Variants in NBEA observed in about 807,000 individuals in gnomAD.
The protein encoded by NBEA is lysosomal-trafficking regulator 2.
A neutral mutation model predicts 343.4 loss-of-function variants in NBEA; 44 were observed. That is an observed-to-expected ratio of 0.13 (90% CI 0.10 to 0.16). The LOEUF (loss-of-function observed/expected upper bound fraction) is 0.16, where lower values mean the gene tolerates loss of function less well. NBEA is among the 10% of genes least tolerant of loss of function. NBEA has a pLI of 1.00. For synonymous variants in NBEA, 1,175 were observed against 1,238.7 expected, an observed-to-expected ratio of 0.95 and a Z score of 1.08; for missense variants, 2,555 against 3,631.3, an observed-to-expected ratio of 0.70 and a Z score of 7.62.
rs147455347 is a variant in NBEA, at chr13:35,367,964, G to A, written c.6179+15641G>A. On this transcript the variant is annotated intron_variant, in intron 38 of 58. Coordinates refer to ENST00000379939, the MANE Select transcript of NBEA (RefSeq NM_001385012.1). ...TGATTTAGGATCAGTAATTAAGTCCGCAATAACTGATGGATTGTTAAAATT... is the reference window on the plus strand; with the variant it reads ...TGATTTAGGATCAGTAATTAAGTCCACAATAACTGATGGATTGTTAAAATT... Among the ~76,000 whole-genome samples, 37 of 151,566 alleles carry A rather than the reference G, an allele frequency of 2.4e-4. No individual in the cohort carries two copies. The East Asian group carries it at 5.8e-3, about 24-fold the overall frequency.
chr13:35,207,006 C>T (rs2073439155), intron 31 of NBEA, among the ~76,000 whole-genome samples: 1 of 151,978 alleles, frequency 6.6e-6, no homozygotes, highest in African/African-American at 2.4e-5. Context: ...AAGAATTTGA[C>T]ACCAACATGC....
intron 31 of NBEA, among the ~76,000 whole-genome samples, chr13:35,199,495 C>T (rs1356482926): frequency 6.6e-6 from 1 of 152,146 alleles, no homozygotes; most frequent in Non-Finnish European, 1.5e-5. Context: ...AACTAAATCA[C>T]ACTCCTAATA....
At chr13:35,311,263 A>T (rs2037345958) in intron 36 of NBEA, among the ~76,000 whole-genome samples, 1 of 151,942 alleles carries the variant, frequency 6.6e-6, no homozygotes, top group African/African-American at 2.4e-5. Context: ...TTTAAGTTTT[A>T]GAAATAACTC....
chr13:35,108,951 T>C lies in NBEA; in HGVS notation c.1681-339T>C, dbSNP rs1362446941. ...TAAACACTATCACTTTTTATTTCTATGTCTAAGATCTCTTCTTGTATGTCA... is the reference window on the plus strand; with the variant it reads ...TAAACACTATCACTTTTTATTTCTACGTCTAAGATCTCTTCTTGTATGTCA... On this transcript the variant is annotated intron_variant, in intron 11 of 58. Coordinates refer to ENST00000379939, the MANE Select transcript of NBEA (RefSeq NM_001385012.1). Among the ~76,000 whole-genome samples the C allele has an allele frequency of 2.6e-5, 4 of 152,272 alleles. No individual in the cohort carries two copies. In the East Asian group the frequency reaches 7.7e-4, roughly 29 times the overall value.
intron 38 of NBEA, among the ~76,000 whole-genome samples, chr13:35,370,626 A>C (rs1269026072): frequency 6.6e-6 from 1 of 151,572 alleles, no homozygotes; most frequent in South Asian, 2.1e-4. Context: ...TCTCTCTTTT[A>C]TTGTTTATCA....
rs575785983 is a variant in NBEA, at chr13:35,141,423, C to T, written c.2337-846C>T. On this transcript the variant is annotated intron_variant, in intron 17 of 58. Transcript: ENST00000379939. ...CTGGGACTACAGGCATGTGCCACCA[C>T]GCCCAGCTAATTTTTGTATTTTTAG... Among the ~76,000 whole-genome samples, 61 of 152,216 alleles carry T rather than the reference C, an allele frequency of 4.0e-4. 1 individual carries two copies. Among genetic ancestry groups the T allele is most frequent in the African/African-American group, 1.4e-3 (58 of 41,544 alleles).
chr13:35,576,927 T>C (rs1261979675), intron 45 of NBEA, among the ~76,000 whole-genome samples: 2 of 152,322 alleles, frequency 1.3e-5, no homozygotes, highest in Non-Finnish European at 1.5e-5. Context: ...TGATTACATA[T>C]AGTAGAAAGT....
At chr13:35,575,788 TAAGCC>T (rs2080705638) in intron 45 of NBEA, among the ~76,000 whole-genome samples, 1 of 152,160 alleles carries the variant, frequency 6.6e-6, no homozygotes, top group Non-Finnish European at 1.5e-5. Context: ...TTGTTTTGCT[TAAGCC>T]AGGATTCAGT....
At chr13:35,261,021 A>G (rs1404229814) in intron 34 of NBEA, among the ~76,000 whole-genome samples, 1 of 152,204 alleles carries the variant, frequency 6.6e-6, no homozygotes, top group Non-Finnish European at 1.5e-5. Context: ...TTTTAAAGGA[A>G]TACAGCAAAA....
At chr13:35,397,086 T>C (rs2042782696) in intron 38 of NBEA, among the ~76,000 whole-genome samples, 1 of 152,146 alleles carries the variant, frequency 6.6e-6, no homozygotes. Context: ...AAAGTAAAAA[T>C]TTAATTTTAT....
chr13:35,110,720 T>C (rs1490595482), intron 12 of NBEA, 90 bp from the exon 13 acceptor site: 1 of 1,055,278 alleles, frequency 9.5e-7, no homozygotes, highest in Non-Finnish European at 1.3e-6. Context: ...TCTTTACTAA[T>C]TCACATTTAA....
intron 48 of NBEA, among the ~76,000 whole-genome samples, chr13:35,614,646 G>A (rs1013956914): frequency 1.1e-4 from 16 of 152,166 alleles, no homozygotes; most frequent in Admixed American, 2.6e-4. Flanking sequence ...TGGAAGTTGT[G>A]TATCAACAGA....
chr13:35,522,475 CAAAAAAAAAAAAAAAAAAA>C (rs138270833), intron 41 of NBEA, among the ~76,000 whole-genome samples: 3 of 42,036 alleles, frequency 7.1e-5, no homozygotes, highest in Non-Finnish European at 1.7e-4. Context: ...ATACCATCTC[CAAAAAAAAAAAAAAAAAAA>C]AAAAAAAAAA....
In NBEA at chr13:34,942,903, G is replaced by T; in HGVS notation, c.83G>T (p.Gly28Val). 6.8e-7 allele frequency: 1 copy of T among 1,478,060 alleles called. No individual in the cohort carries two copies. The highest frequency in any genetic ancestry group is 9.0e-7 in the Non-Finnish European group (1 of 1,110,054). 91.6% of individuals were successfully genotyped at this position (1,478,060 alleles called of 1,614,324 possible). A position where few individuals can be genotyped will look rare whatever the true frequency, so the allele number is the denominator to read the frequency against. The change falls in exon 1 of 59, where the codon GGC becomes GTC. Residue 28 changes from glycine to valine, a missense_variant. Coordinates refer to ENST00000379939, the MANE Select transcript of NBEA (RefSeq NM_001385012.1). ...GLIAVGAAGG[G>V]GGGSGGGGTG... ...ATTGCCGTCGGGGCCGCTGGCGGAG[G>T]CGGCGGGGGCAGCGGTGGTGGCGGC...
At chr13:35,340,146 A>G (rs1157394956) in intron 36 of NBEA, among the ~76,000 whole-genome samples, 2 of 152,106 alleles carry the variant, frequency 1.3e-5, no homozygotes, top group African/African-American at 4.8e-5. Context: ...AAAAGATTTA[A>G]AAGTAGGGAC....
At chr13:35,565,714 C>A (rs1343006832) in intron 44 of NBEA, among the ~76,000 whole-genome samples, 1 of 151,950 alleles carries the variant, frequency 6.6e-6, no homozygotes, top group African/African-American at 2.4e-5. Context: ...CATGTTTTTT[C>A]AGTTTCAGTT....
intron 1 of NBEA, among the ~76,000 whole-genome samples, chr13:34,945,034 A>G (rs931626252): frequency 3.3e-5 from 5 of 152,132 alleles, no homozygotes; most frequent in African/African-American, 9.7e-5. Flanking sequence ...CTTCAGAGCA[A>G]TGAAAATCTG....
At chr13:35,617,827 G>A (rs2082805386) in intron 48 of NBEA, among the ~76,000 whole-genome samples, 1 of 152,136 alleles carries the variant, frequency 6.6e-6, no homozygotes, top group South Asian at 2.1e-4. Flanking sequence ...AAACTAAAAA[G>A]TTTAACCAGT....
Position 35,651,768 on chromosome 13 carries a change from T to C in NBEA, c.7964-37T>C, listed in dbSNP as rs576303074. 5.5e-6 allele frequency: 7 copies of C among 1,274,762 alleles called. No homozygotes were observed. The South Asian group carries it at 7.7e-5, about 14-fold the overall frequency. The allele number at this position is 1,274,762 out of a possible 1,614,324, so 79.0% of individuals were successfully genotyped here. The stretch of plus-strand genomic sequence containing the variant: ...TTAGGAAATCCCTTCTTTCTGAGAA[T>C]TTTATGTTAGTTTTTCTCTCTTTTT... On this transcript the variant is annotated intron_variant, in intron 52 of 58. Transcript: ENST00000379939.
Sources: allele counts gnomAD v4.1 joint callset (sites outside exome capture counted in the v4.1 genomes callset), GRCh38; gene constraint gnomAD v4.1.1; transcripts MANE v1.5; gene names NCBI Gene and HGNC (gene_info 2026-07-23, HGNC 2026-07-21).